Variants in CCBE1 observed in about 807,000 individuals in gnomAD.
The protein encoded by CCBE1 is collagen and calcium-binding EGF domain-containing protein 1.
CCBE1 carries 37 observed loss-of-function variants against 50.0 expected under a neutral mutation model. The ratio of observed to expected loss-of-function variants is 0.74; its 90% CI spans 0.57 to 0.97. The LOEUF (loss-of-function observed/expected upper bound fraction) is 0.97. CCBE1 is among the 50% of genes least tolerant of loss of function. The pLI is 0.00. For missense variants in CCBE1, 538 were observed against 523.8 expected (o/e 1.03, Z -0.26); for synonymous variants, 234 against 203.7 (o/e 1.15, Z -1.27).
At position 59,646,455 on chromosome 18, in the gene CCBE1, C is replaced by T. The variant is rs146943655; in HGVS notation, c.212+50174G>A. Among the ~76,000 whole-genome samples, 295 of 152,276 alleles carry T rather than the reference C, an allele frequency of 1.9e-3. 1 individual carries two copies. Among genetic ancestry groups the T allele is most frequent in the African/African-American group, 6.8e-3 (283 of 41,550 alleles). On this transcript the variant is annotated intron_variant, in intron 2 of 10. Coordinates refer to ENST00000439986, the MANE Select transcript of CCBE1 (RefSeq NM_133459.4). ...AAATCTACAACGCCATCTAGAGGAG[C>T]CATGGCTGCACCCAGGGCATGCTGG...
At chr18:59,603,498 AG>A (rs1314988757) in intron 2 of CCBE1, among the ~76,000 whole-genome samples, 1 of 152,232 alleles carries the variant, frequency 6.6e-6, no homozygotes, top group East Asian at 1.9e-4. Context: ...GGCCTCCTCC[AG>A]GGAAGATACC....
intron 2 of CCBE1, among the ~76,000 whole-genome samples, chr18:59,498,802 T>C (rs539013523): frequency 2.6e-5 from 4 of 152,194 alleles, no homozygotes; most frequent in Admixed American, 6.5e-5. Context: ...AGTGATAAGA[T>C]TGATAAACAG....
intron 2 of CCBE1, among the ~76,000 whole-genome samples, chr18:59,661,707 C>T (rs1320048975): frequency 1.3e-5 from 2 of 152,156 alleles, no homozygotes; most frequent in East Asian, 3.8e-4. Context: ...GTGGTTCATG[C>T]CTGTAATCCA....
intron 2 of CCBE1, among the ~76,000 whole-genome samples, chr18:59,571,515 A>G (rs563865142): frequency 1.3e-5 from 2 of 150,560 alleles, no homozygotes; most frequent in Non-Finnish European, 3.0e-5. Flanking sequence ...ATTAGGAGAT[A>G]TATCTAATGT....
At chr18:59,454,041 A>G (rs17780019) in intron 6 of CCBE1, among the ~76,000 whole-genome samples, 41,741 of 152,074 alleles carry the variant, frequency 0.27, 6,885 homozygotes, top group East Asian at 0.68. Context: ...TAGGTGCAGG[A>G]AACTCAGAAA....
Position 59,697,388 on chromosome 18 carries a change from C to G in CCBE1, c.-46G>C. 3.3e-6 allele frequency: 5 copies of G among 1,534,206 alleles called. No homozygotes were observed. Among genetic ancestry groups the G allele is most frequent in the Non-Finnish European group, 4.4e-6 (5 of 1,142,290 alleles). On this transcript the variant is annotated 5_prime_UTR_variant, in exon 1 of 11. Transcript: ENST00000439986. The stretch of plus-strand genomic sequence containing the variant: ...TCCCAGCGCCGAGCTCCGTCCGGAC[C>G]AAGCGTCCTGCTCCTCCGCGGCCGC...
intron 2 of CCBE1, among the ~76,000 whole-genome samples, chr18:59,630,074 T>C (rs867163017): frequency 2.0e-5 from 3 of 152,148 alleles, no homozygotes; most frequent in Non-Finnish European, 4.4e-5. Flanking sequence ...TCCAGCTGTA[T>C]AAGGAAACAG....
At chr18:59,505,838 G>T (rs1913847399) in intron 2 of CCBE1, among the ~76,000 whole-genome samples, 1 of 152,204 alleles carries the variant, frequency 6.6e-6, no homozygotes, top group African/African-American at 2.4e-5. Context: ...TTACTAAAGG[G>T]ATGTTCACCA....
chr18:59,624,523 A>C (rs1264079560), intron 2 of CCBE1, among the ~76,000 whole-genome samples: 2 of 152,242 alleles, frequency 1.3e-5, no homozygotes, highest in Non-Finnish European at 2.9e-5. Flanking sequence ...GGACTAAGAC[A>C]ACAAAATAGA....
chr18:59,680,502 T>C (rs2054573280), intron 2 of CCBE1, among the ~76,000 whole-genome samples: 1 of 151,818 alleles, frequency 6.6e-6, no homozygotes, highest in African/African-American at 2.4e-5. Flanking sequence ...ATCAAGACCA[T>C]GCTGGCTAAC....
At position 59,573,655 on chromosome 18, in the gene CCBE1, G is replaced by GA. The variant is rs539599552; in HGVS notation, c.213-93418dup. The stretch of plus-strand genomic sequence containing the variant: ...GAAATAACTTGGTTCAAAGTGCAGA[G>GA]AAAAAAAAAAATCAGGGAACTTACA... On this transcript the variant is annotated intron_variant, in intron 2 of 10. Coordinates refer to ENST00000439986, the MANE Select transcript of CCBE1 (RefSeq NM_133459.4). Among the ~76,000 whole-genome samples the GA allele has an allele frequency of 8.9e-3, 1,294 of 145,038 alleles. 22 individuals are homozygous for GA. The highest frequency in any genetic ancestry group is 0.029 in the African/African-American group (1,180 of 40,176).
intron 2 of CCBE1, among the ~76,000 whole-genome samples, chr18:59,684,430 T>C (rs1471818318): frequency 1.3e-5 from 2 of 152,126 alleles, no homozygotes; most frequent in Non-Finnish European, 2.9e-5. Flanking sequence ...GCCTGGGTGA[T>C]AGAGTGGGAC....
chr18:59,611,858 T>C (rs1278323257), intron 2 of CCBE1, among the ~76,000 whole-genome samples: 6 of 152,144 alleles, frequency 3.9e-5, no homozygotes, highest in Non-Finnish European at 1.5e-5. Flanking sequence ...ACGCATCAAG[T>C]TCAGAGTTAT....
At chr18:59,600,160 G>T (rs550322287) in intron 2 of CCBE1, among the ~76,000 whole-genome samples, 1 of 152,154 alleles carries the variant, frequency 6.6e-6, no homozygotes, top group East Asian at 1.9e-4. Flanking sequence ...TAGGAACCGG[G>T]CTGTGGGCAA....
chr18:59,631,898 A>C (rs905093757), intron 2 of CCBE1, among the ~76,000 whole-genome samples: 1 of 152,206 alleles, frequency 6.6e-6, no homozygotes, highest in African/African-American at 2.4e-5. Context: ...GAAATGTAAG[A>C]TGCCAAAAAC....
At chr18:59,627,444 T>C (rs1392719487) in intron 2 of CCBE1, among the ~76,000 whole-genome samples, 2 of 152,132 alleles carry the variant, frequency 1.3e-5, no homozygotes, top group African/African-American at 4.8e-5. Flanking sequence ...TAATACTGTG[T>C]CCCCCAAAAA....
At chr18:59,576,086 C>T (rs2052991079) in intron 2 of CCBE1, among the ~76,000 whole-genome samples, 1 of 152,206 alleles carries the variant, frequency 6.6e-6, no homozygotes, top group Non-Finnish European at 1.5e-5. Context: ...CACGTTCTTG[C>T]ATTTAAGATC....
At chr18:59,679,790 A>C (rs770814944) in intron 2 of CCBE1, among the ~76,000 whole-genome samples, 7 of 152,194 alleles carry the variant, frequency 4.6e-5, no homozygotes, top group Non-Finnish European at 8.8e-5. Context: ...GCCAGAGTGC[A>C]CTTTGGTTTT....
At chr18:59,477,538 C>CTCTG (rs1021000494) in intron 3 of CCBE1, among the ~76,000 whole-genome samples, 13 of 149,882 alleles carry the variant, frequency 8.7e-5, no homozygotes, top group African/African-American at 3.2e-4. Flanking sequence ...TTCCATGTCT[C>CTCTG]TGTGTGTGTG....
Sources: allele counts gnomAD v4.1 joint callset (sites outside exome capture counted in the v4.1 genomes callset), GRCh38; gene constraint gnomAD v4.1.1; transcripts MANE v1.5; gene names NCBI Gene and HGNC (gene_info 2026-07-23, HGNC 2026-07-21).